The following PHLDA3 variants were observed in gnomAD, a reference collection of about 807,000 sequenced individuals.
PHLDA3 encodes pleckstrin homology like domain family A member 3.
A neutral mutation model predicts 7.6 loss-of-function variants in PHLDA3; 12 were observed. That is an observed-to-expected ratio of 1.58 (90% CI 1.01 to 2.55). PHLDA3 has a LOEUF of 2.55. Ranked by LOEUF, PHLDA3 falls within the 30% of genes most tolerant of loss-of-function variation. PHLDA3 has a pLI of 0.00. For synonymous variants in PHLDA3, 104 were observed against 85.1 expected (o/e 1.22, Z -1.23); for missense variants, 177 against 175.6 (o/e 1.01, Z -0.05).
chr1:201,468,260 G>C (rs548008588), intron 1 of PHLDA3, 81 bp downstream of exon 1: 3 of 998,294 alleles, frequency 3.0e-6, no homozygotes, highest in Admixed American at 2.7e-5. Context: ...CTCTGAAGTA[G>C]AATGCTAGTC....
Position 201,469,046 on chromosome 1 carries a change from C to G in PHLDA3, c.-260G>C. 2.6e-6 allele frequency: 1 copy of G among 384,782 alleles called. No homozygotes were observed. Among genetic ancestry groups the G allele is most frequent in the East Asian group, 4.6e-5 (1 of 21,914 alleles). The allele number at this position is 384,782 out of a possible 1,614,324, so 23.8% of individuals were successfully genotyped here. On this transcript the variant is annotated 5_prime_UTR_variant, in exon 1 of 2. Transcript: ENST00000367311. Reference sequence around the variant, plus strand: ...CTCCGCTCTACCCCAGCTGGCCCAGCCCGACCCGCCTCTGCCAGATGCCTC... The same window carrying G: ...CTCCGCTCTACCCCAGCTGGCCCAGGCCGACCCGCCTCTGCCAGATGCCTC...
At position 201,468,362 on chromosome 1, in the gene PHLDA3, G is replaced by GGTGGT; in HGVS notation, c.*36_*40dup. The GGTGGT allele has an allele frequency of 6.2e-7, 1 of 1,611,758 alleles. No individual in the cohort carries two copies. Among genetic ancestry groups the GGTGGT allele is most frequent in the Non-Finnish European group, 8.5e-7 (1 of 1,178,988 alleles). On this transcript the variant is annotated 3_prime_UTR_variant, in exon 1 of 2. Coordinates refer to ENST00000367311, the MANE Select transcript of PHLDA3 (RefSeq NM_012396.5). ...TTACCTGCCTTGACCTCAGCACTGA[G>GGTGGT]GTGGTGGGTAGCATGAAGGAAAGAT... is the stretch of plus-strand genomic sequence containing the variant.
At position 201,469,156 on chromosome 1, in the gene PHLDA3, G is replaced by C. The variant is rs535346892; in HGVS notation, c.-370C>G. On this transcript the variant is annotated 5_prime_UTR_variant, in exon 1 of 2. Transcript: ENST00000367311. ...GTCTGCGCGCTGGGCGGCAGCTCGC[G>C]GGATGTGCCCTTACATGTTCCGCCG... 1 of 210,678 alleles carries C rather than the reference G, an allele frequency of 4.7e-6. No individual in the cohort carries two copies. Among genetic ancestry groups the C allele is most frequent in the Admixed American group, 6.1e-5 (1 of 16,466 alleles). 13.1% of individuals were successfully genotyped at this position (210,678 alleles called of 1,614,324 possible). A position where few individuals can be genotyped will look rare whatever the true frequency, so the allele number is the denominator to read the frequency against.
chr1:201,466,218 G>A (rs1476831405), intron 1 of PHLDA3, 40 bp from the exon 2 acceptor site: 1 of 153,624 alleles, frequency 6.5e-6, no homozygotes, highest in Non-Finnish European at 1.5e-5. Flanking sequence ...GGGCAACAAT[G>A]GAGAAAGGAG....
At chr1:201,466,665 A>T (rs978062411) in intron 1 of PHLDA3, 1 of 152,208 alleles carries the variant, frequency 6.6e-6, no homozygotes, top group Non-Finnish European at 1.5e-5. Context: ...TCTGGGGAAG[A>T]GGGCACAGGG....
rs998107351 is a variant in PHLDA3, at chr1:201,464,615, G to A, written c.*1626C>T. On this transcript the variant is annotated 3_prime_UTR_variant, in exon 2 of 2. Coordinates refer to ENST00000367311, the MANE Select transcript of PHLDA3 (RefSeq NM_012396.5). ...CTTCGAATTGCTGAATGGGGCCACT[G>A]AGCCTCCTTGCTCCCTCCAGAGAGA... 1.3e-5 allele frequency: 2 copies of A among 152,174 alleles called. No individual in the cohort carries two copies. Among genetic ancestry groups the A allele is most frequent in the Non-Finnish European group, 2.9e-5 (2 of 68,044 alleles). The allele number at this position is 152,174 out of a possible 1,614,324, so 9.4% of individuals were successfully genotyped here.
chr1:201,468,207 T>A (rs1476474530), intron 1 of PHLDA3, 134 bp downstream of exon 1: 1 of 672,130 alleles, frequency 1.5e-6, no homozygotes, highest in Non-Finnish European at 2.4e-6. Context: ...AAGCCTCCCA[T>A]GCCCTCAGTT....
Position 201,468,328 on chromosome 1 carries a change from C to G in PHLDA3, c.*62+13G>C. The G allele has an allele frequency of 6.5e-7, 1 of 1,536,506 alleles. No individual in the cohort carries two copies. Among genetic ancestry groups the G allele is most frequent in the Non-Finnish European group, 8.9e-7 (1 of 1,122,918 alleles). On this transcript the variant is annotated intron_variant, in intron 1 of 1. Transcript: ENST00000367311. ...GGAAGGAGAGAAGAGGGCCCAGTCC[C>G]CCGGGGGCTTACCTGCCTTGACCTC...
At position 201,468,720 on chromosome 1, in the gene PHLDA3, G is replaced by A. The variant is rs1299230806; in HGVS notation, c.67C>T (p.Leu23=). 6.2e-7 allele frequency: 1 copy of A among 1,601,316 alleles called. No individual in the cohort carries two copies. The highest frequency in any genetic ancestry group is 8.5e-7 in the Non-Finnish European group (1 of 1,177,858). The change falls in exon 1 of 2, where the codon CTG becomes TTG. Residue 23 remains leucine (L), a synonymous_variant. Transcript: ENST00000367311. ...GVLEKRSGGL[L]QLWKRKRCVL... Reference sequence around the variant, plus strand: ...CAGCGCTTCCGCTTCCACAGCTGCAGCAGCCCGCCGCTGCGCTTCTCCAGC... The same window carrying A: ...CAGCGCTTCCGCTTCCACAGCTGCAACAGCCCGCCGCTGCGCTTCTCCAGC...
rs984135418 is a variant in PHLDA3 at position 201,468,265 on chromosome 1, C to T, written c.*62+76G>A. 8.8e-6 allele frequency: 9 copies of T among 1,018,006 alleles called. No individual in the cohort carries two copies. The African/African-American group carries it at 1.5e-4, about 16-fold the overall frequency. 63.1% of individuals were successfully genotyped at this position (1,018,006 alleles called of 1,614,324 possible). A position where few individuals can be genotyped will look rare whatever the true frequency, so the allele number is the denominator to read the frequency against. On this transcript the variant is annotated intron_variant, in intron 1 of 1. Transcript: ENST00000367311. ...AGATGTCCGGCTCTGAAGTAGAATG[C>T]TAGTCCTCATTCTCTCTGTAGGGGA... is the stretch of plus-strand genomic sequence containing the variant.
At chr1:201,468,296 A>T (rs1663723324) in intron 1 of PHLDA3, 45 bp downstream of exon 1, 1 of 1,219,088 alleles carries the variant, frequency 8.2e-7, no homozygotes. Context: ...GGGGAAAGAG[A>T]AGGGAGGGAA....
At chr1:201,466,526 G>A (rs1327440204) in intron 1 of PHLDA3, 1 of 152,164 alleles carries the variant, frequency 6.6e-6, no homozygotes, top group African/African-American at 2.4e-5. Context: ...ATCTGCAGGC[G>A]GGTAAGGTCG....
Position 201,468,867 on chromosome 1 carries a change from G to GC in PHLDA3, c.-82dup. The GC allele has an allele frequency of 1.5e-6, 2 of 1,366,364 alleles. No homozygotes were observed. Among genetic ancestry groups the GC allele is most frequent in the East Asian group, 6.0e-5 (2 of 33,386 alleles). 84.6% of individuals were successfully genotyped at this position (1,366,364 alleles called of 1,614,324 possible). A position where few individuals can be genotyped will look rare whatever the true frequency, so the allele number is the denominator to read the frequency against. On this transcript the variant is annotated 5_prime_UTR_variant, in exon 1 of 2. Coordinates refer to ENST00000367311, the MANE Select transcript of PHLDA3 (RefSeq NM_012396.5). ...CGGCCCCGCAGCGCAGGATTCTGGC[G>GC]CCCCGGGCTGGCAGGCCGTGCGCGC...
Position 201,468,878 on chromosome 1 carries a change from G to T in PHLDA3, c.-92C>A. ...CGCAGGATTCTGGCGCCCCGGGCTG[G>T]CAGGCCGTGCGCGCTGCCCACCTGC... is the stretch of plus-strand genomic sequence containing the variant. On this transcript the variant is annotated 5_prime_UTR_variant, in exon 1 of 2. Coordinates refer to ENST00000367311, the MANE Select transcript of PHLDA3 (RefSeq NM_012396.5). 2 of 1,328,670 alleles carry T rather than the reference G, an allele frequency of 1.5e-6. No individual in the cohort carries two copies. Among genetic ancestry groups the T allele is most frequent in the South Asian group, 3.5e-5 (2 of 57,856 alleles). 82.3% of individuals were successfully genotyped at this position (1,328,670 alleles called of 1,614,324 possible). A position where few individuals can be genotyped will look rare whatever the true frequency, so the allele number is the denominator to read the frequency against.
chr1:201,468,522 G>C lies in PHLDA3; in HGVS notation c.265C>G (p.Leu89Val). ...TGGGCGTTCCAGCCGGGATCTTCCAGGGGGCAGCGGAAGTCGATCTCGCCG... is the reference window on the plus strand; with the variant it reads ...TGGGCGTTCCAGCCGGGATCTTCCACGGGGCAGCGGAAGTCGATCTCGCCG... The part of the protein sequence containing the change: ...GGGEIDFRCP[L>V]EDPGWNAQIT... The change falls in exon 1 of 2, where the codon CTG becomes GTG. Residue 89 changes from leucine to valine, a missense_variant. Physicochemically the swap from Leu to Val is conservative, Grantham distance 32. Coordinates refer to ENST00000367311, the MANE Select transcript of PHLDA3 (RefSeq NM_012396.5). 1 of 1,614,144 alleles carries C rather than the reference G, an allele frequency of 6.2e-7. No individual in the cohort carries two copies. The highest frequency in any genetic ancestry group is 8.5e-7 in the Non-Finnish European group (1 of 1,180,016).
rs772761687 is a variant in PHLDA3 at position 201,468,572 on chromosome 1, T to G, written c.215A>C (p.Tyr72Ser). The change falls in exon 1 of 2, where the codon TAC (tyrosine) becomes TCC (serine). Residue 72 changes from tyrosine to serine, a missense_variant. Tyr to Ser is a moderately radical substitution (Grantham distance 144). Coordinates refer to ENST00000367311, the MANE Select transcript of PHLDA3 (RefSeq NM_012396.5). The part of the protein sequence containing the change: ...ECVESTGRHI[Y>S]FTLVTEGGGE... ...GCCCCCTTCGGTCACCAGCGTGAAGTAGATGTGGCGCCCGGTGCTCTCCAC... is the reference window on the plus strand; with the variant it reads ...GCCCCCTTCGGTCACCAGCGTGAAGGAGATGTGGCGCCCGGTGCTCTCCAC... 2 of 1,613,944 alleles carry G rather than the reference T, an allele frequency of 1.2e-6. No homozygotes were observed. Among genetic ancestry groups the G allele is most frequent in the Non-Finnish European group, 1.7e-6 (2 of 1,179,996 alleles).
Position 201,468,926 on chromosome 1 carries a change from A to C in PHLDA3, c.-140T>G. On this transcript the variant is annotated 5_prime_UTR_variant, in exon 1 of 2. Coordinates refer to ENST00000367311, the MANE Select transcript of PHLDA3 (RefSeq NM_012396.5). Reference sequence around the variant, plus strand: ...TGCGCCCTGACTGCTCCGCGCACCCACACCGCGGCCCTCAGCACCCGGCTG... The same window carrying C: ...TGCGCCCTGACTGCTCCGCGCACCCCCACCGCGGCCCTCAGCACCCGGCTG... The C allele has an allele frequency of 1.0e-6, 1 of 959,038 alleles. No homozygotes were observed. Among genetic ancestry groups the C allele is most frequent in the Non-Finnish European group, 1.4e-6 (1 of 714,092 alleles). The allele number at this position is 959,038 out of a possible 1,614,324, so 59.4% of individuals were successfully genotyped here. A position where few individuals can be genotyped will look rare whatever the true frequency, so the allele number is the denominator to read the frequency against.
intron 1 of PHLDA3, 73 bp downstream of exon 1, chr1:201,468,268 G>T: frequency 9.7e-7 from 1 of 1,034,270 alleles, no homozygotes; most frequent in Non-Finnish European, 1.4e-6. Flanking sequence ...TAGAATGCTA[G>T]TCCTCATTCT....
intron 1 of PHLDA3, chr1:201,466,708 G>GC (rs1663672897): frequency 6.6e-6 from 1 of 152,252 alleles, no homozygotes; most frequent in African/African-American, 2.4e-5. Context: ...TCTATTCCTG[G>GC]CCCCTCCCCT....
Sources: allele counts gnomAD v4.1 joint callset, GRCh38; gene constraint gnomAD v4.1.1; transcripts MANE v1.5; gene names NCBI Gene and HGNC (gene_info 2026-07-23, HGNC 2026-07-21).